Variants in SHOC2 observed in about 807,000 individuals in gnomAD.
SHOC2 encodes SHOC2 leucine rich repeat scaffold protein, also known as leucine-rich repeat protein SHOC-2.
Under a neutral mutation model 50.2 loss-of-function variants are expected in SHOC2, and 4 were observed. The ratio of observed to expected loss-of-function variants is 0.08; its 90% CI spans 0.04 to 0.18. The LOEUF is 0.18. SHOC2 is among the 10% of genes least tolerant of loss of function. SHOC2 has a pLI of 1.00. For missense variants in SHOC2, 388 were observed against 669.6 expected (o/e 0.58, Z 4.64); for synonymous variants, 218 against 244.5 (o/e 0.89, Z 1.01).
At chr10:111,000,721 A>C (rs1301883855) in intron 4 of SHOC2, among the ~76,000 whole-genome samples, 176 bp downstream of exon 4, 1 of 152,236 alleles carries the variant, frequency 6.6e-6, no homozygotes, top group Non-Finnish European at 1.5e-5. Context: ...AAGAATGGGT[A>C]TATGAACCTA....
In SHOC2 at chr10:111,007,671, A is replaced by G. The variant is rs777111890; in HGVS notation, c.1284+18A>G. On this transcript the variant is annotated intron_variant, in intron 6 of 8. Transcript: ENST00000369452. ...CTCTTGAGGTTAGTATAAATGAGCA[A>G]TTAGAGAACTTCAGAACCTTCCATA... The G allele has an allele frequency of 2.5e-6, 4 of 1,612,852 alleles. No homozygotes were observed. The highest frequency in any genetic ancestry group is 1.1e-5 in the South Asian group (1 of 91,038).
rs1847626504 is a variant in SHOC2 at position 110,964,211 on chromosome 10, C to A, written c.-148C>A. The A allele has an allele frequency of 2.4e-6, 3 of 1,235,610 alleles. No homozygotes were observed. The highest frequency in any genetic ancestry group is 2.2e-6 in the Non-Finnish European group (2 of 902,172). The allele number at this position is 1,235,610 out of a possible 1,614,324, so 76.5% of individuals were successfully genotyped here. A position where few individuals can be genotyped will look rare whatever the true frequency, so the allele number is the denominator to read the frequency against. ...ATGGGCATAGTGCTTTTAGATCCAA[C>A]ATGTAACAGATGGATGTTACTCCAT... On this transcript the variant is annotated 5_prime_UTR_variant, in exon 2 of 9. Transcript: ENST00000369452. This position sits in a 1 kb window ranked among gnomAD's most constrained non-coding sequence, Gnocchi z 4.9.
intron 1 of SHOC2, among the ~76,000 whole-genome samples, chr10:110,926,524 A>G (rs1306759610): frequency 6.6e-6 from 1 of 152,236 alleles, no homozygotes; most frequent in East Asian, 1.9e-4. Context: ...AATTACTCCT[A>G]GAGGGATAAG....
At chr10:111,010,337 G>T (rs1478691347) in intron 8 of SHOC2, among the ~76,000 whole-genome samples, 1 of 152,038 alleles carries the variant, frequency 6.6e-6, no homozygotes, top group Non-Finnish European at 1.5e-5. Context: ...TTTATAAAGA[G>T]AATTACTTGA....
chr10:110,933,994 A>T (rs1846946089), intron 1 of SHOC2, among the ~76,000 whole-genome samples: 1 of 152,116 alleles, frequency 6.6e-6, no homozygotes. Flanking sequence ...TTTGAATACC[A>T]CAAACAGTGG....
intron 4 of SHOC2, among the ~76,000 whole-genome samples, chr10:111,003,135 G>A (rs1335001951): frequency 6.6e-6 from 1 of 152,176 alleles, no homozygotes; most frequent in East Asian, 1.9e-4. Flanking sequence ...ACAAGTTTCA[G>A]TTCTCTGTAT....
At chr10:110,979,827 A>G (rs549412160) in intron 2 of SHOC2, among the ~76,000 whole-genome samples, 1 of 152,160 alleles carries the variant, frequency 6.6e-6, no homozygotes, top group Non-Finnish European at 1.5e-5. Flanking sequence ...TTCCTCTCTC[A>G]TAATTGCATC....
rs573723185 is a variant in SHOC2 at position 110,926,331 on chromosome 10, T to C, written c.-235+6674T>C. On this transcript the variant is annotated intron_variant, in intron 1 of 8. Transcript: ENST00000369452. ...AAGTGGAAAATTAGTTTTAGATGAA[T>C]AGTCTACAGCTCCAAAACAAACTGA... Among the ~76,000 whole-genome samples the C allele has an allele frequency of 2.0e-5, 3 of 152,320 alleles. No individual in the cohort carries two copies. In the East Asian group the frequency reaches 5.8e-4, roughly 29 times the overall value.
intron 3 of SHOC2, among the ~76,000 whole-genome samples, chr10:110,993,214 A>G (rs1032645705): frequency 3.3e-5 from 5 of 152,180 alleles, no homozygotes; most frequent in Non-Finnish European, 7.4e-5. Context: ...CTTAGTCAAG[A>G]TGGCTCAACA....
intron 3 of SHOC2, among the ~76,000 whole-genome samples, chr10:110,993,866 A>G (rs1370894476): frequency 6.6e-6 from 1 of 152,206 alleles, no homozygotes; most frequent in Non-Finnish European, 1.5e-5. Flanking sequence ...TTCAGTGAGA[A>G]TAAAAAACAT....
chr10:110,978,795 C>T (rs1847921010), intron 2 of SHOC2, among the ~76,000 whole-genome samples: 1 of 152,200 alleles, frequency 6.6e-6, no homozygotes, highest in African/African-American at 2.4e-5. Context: ...TCCAGTCACT[C>T]TTATAACCCT....
intron 1 of SHOC2, among the ~76,000 whole-genome samples, chr10:110,920,926 A>G (rs1023924784): frequency 2.0e-5 from 3 of 152,200 alleles, no homozygotes; most frequent in Non-Finnish European, 4.4e-5. Context: ...TCTACTCAAG[A>G]GGGACTACTA....
At chr10:110,956,526 G>C (rs1847466768) in intron 1 of SHOC2, among the ~76,000 whole-genome samples, 1 of 152,172 alleles carries the variant, frequency 6.6e-6, no homozygotes, top group Non-Finnish European at 1.5e-5. Context: ...AATGTCCTGT[G>C]ATACTTTGCT....
intron 1 of SHOC2, among the ~76,000 whole-genome samples, chr10:110,949,738 G>A (rs576481212): frequency 6.6e-6 from 1 of 152,312 alleles, no homozygotes; most frequent in South Asian, 2.1e-4. Context: ...CACACAGTGA[G>A]CAAGTGGGAT....
intron 2 of SHOC2, among the ~76,000 whole-genome samples, chr10:110,967,663 A>G (rs930432544): frequency 6.6e-6 from 1 of 152,212 alleles, no homozygotes; most frequent in Middle Eastern, 3.4e-3. Context: ...ACACTAATCT[A>G]CTTTCTGTCT....
rs773048362 is a variant in SHOC2 at position 110,964,570 on chromosome 10, C to T, written c.212C>T (p.Thr71Met). Residue 71 changes from threonine to methionine, a missense_variant, in exon 2 of 9, where the codon ACG becomes ATG. By Grantham distance (81) the Thr-to-Met change is moderately conservative. Coordinates refer to ENST00000369452, the MANE Select transcript of SHOC2 (RefSeq NM_007373.4). This position sits in a 1 kb window ranked among gnomAD's most constrained non-coding sequence, Gnocchi z 4.9. ...GGGGTGGCATTTTCAGTTGACAATA[C>T]GATCAAACGGCCAAACCCAGCACCT... ...QPGVAFSVDN[T>M]IKRPNPAPGT... is the part of the protein sequence containing the mutation. 1.9e-6 allele frequency: 3 copies of T among 1,613,894 alleles called. No individual in the cohort carries two copies. The highest frequency in any genetic ancestry group is 1.7e-6 in the Non-Finnish European group (2 of 1,179,990).
At chr10:110,940,541 TTATTTA>T (rs2134089851) in intron 1 of SHOC2, among the ~76,000 whole-genome samples, 1 of 152,298 alleles carries the variant, frequency 6.6e-6, no homozygotes, top group African/African-American at 2.4e-5. Context: ...GTAAATTCAA[TTATTTA>T]TAGTTATACA....
intron 3 of SHOC2, among the ~76,000 whole-genome samples, chr10:110,989,283 AC>A (rs773979902): frequency 6.6e-6 from 1 of 152,120 alleles, no homozygotes; most frequent in Non-Finnish European, 1.5e-5. Context: ...ATTTTTGTTA[AC>A]TGCATTGTCA....
intron 1 of SHOC2, among the ~76,000 whole-genome samples, chr10:110,937,406 G>T (rs1382427409): frequency 2.0e-5 from 3 of 152,182 alleles, no homozygotes; most frequent in Non-Finnish European, 4.4e-5. Context: ...ATAGTTTTAA[G>T]ATTTGAAGAT....
Sources: allele counts gnomAD v4.1 joint callset (sites outside exome capture counted in the v4.1 genomes callset), GRCh38; gene constraint gnomAD v4.1.1; non-coding constraint Gnocchi (gnomAD v3.1); transcripts MANE v1.5; gene names NCBI Gene and HGNC (gene_info 2026-07-23, HGNC 2026-07-21).